Variants in PROSER1 observed in about 807,000 individuals in gnomAD.
The protein encoded by PROSER1 is proline and serine rich 1.
In PROSER1, 36 loss-of-function variants were observed where a neutral mutation model predicts 71.8. That is an observed-to-expected ratio of 0.50 (90% CI 0.38 to 0.66). The LOEUF (loss-of-function observed/expected upper bound fraction) is 0.66, where lower values mean the gene tolerates loss of function less well. Ranked by LOEUF, PROSER1 falls within the 30% of genes least tolerant of loss-of-function variation. The pLI is 0.00. For synonymous variants in PROSER1, 490 were observed against 452.4 expected, an observed-to-expected ratio of 1.08 and a Z score of -1.06; for missense variants, 1,107 against 1,135.0, an observed-to-expected ratio of 0.98 and a Z score of 0.35.
intron 9 of PROSER1, 174 bp from the exon 10 acceptor site, chr13:39,017,718 A>G (rs1593529968): frequency 1.9e-6 from 1 of 531,550 alleles, no homozygotes. Context: ...CTCTACTATT[A>G]TTACTACTAA....
Position 39,029,302 on chromosome 13 carries a change from A to G in PROSER1, c.254T>C (p.Val85Ala). ...TTACGAGGCTAACAGTTCAAGAGCA[A>G]CTAGTTTGTCTTTACTGAAAGTGAA... ...NCFTFSKDKL[V>A]ALELLASNII... Residue 85 changes from valine to alanine, a missense_variant, in exon 4 of 13, where the codon GTT becomes GCT. Transcript: ENST00000352251. 5.2e-6 allele frequency: 8 copies of G among 1,537,376 alleles called. No individual in the cohort carries two copies. Among genetic ancestry groups the G allele is most frequent in the African/African-American group, 1.4e-5 (1 of 70,350 alleles).
chr13:39,022,331 C>T lies in PROSER1; in HGVS notation c.725G>A (p.Gly242Glu). ...PPPPYTPNPV[G>E]TENEDLSNPS... ...ACCCCCAAATAACATTTTACCTGTT[C>T]CTACAGGATTAGGAGTATATGGAGG... The change falls in exon 9 of 13, where the codon GGA (glycine) becomes GAA (glutamate). Residue 242 changes from glycine (G) to glutamate (E), a missense_variant. Coordinates refer to ENST00000352251, the MANE Select transcript of PROSER1 (RefSeq NM_025138.5). 1 of 1,602,404 alleles carries T rather than the reference C, an allele frequency of 6.2e-7. No individual in the cohort carries two copies.
intron 9 of PROSER1, among the ~76,000 whole-genome samples, chr13:39,021,592 A>AT (rs900737521): frequency 2.6e-5 from 4 of 152,276 alleles, no homozygotes; most frequent in South Asian, 2.1e-4. Flanking sequence ...AACTAAAGGT[A>AT]TTTTTTTAAA....
At chr13:39,014,535 G>A in intron 10 of PROSER1, 59 bp from the exon 11 acceptor site, 1 of 1,247,134 alleles carries the variant, frequency 8.0e-7, no homozygotes, top group South Asian at 1.5e-5. Context: ...GTCAAATTTT[G>A]AATTAAAAAG....
chr13:39,014,023 G>T lies in PROSER1; in HGVS notation c.1229C>A (p.Thr410Asn). ...GCTGGTAGAAGCAGCAGAAGAGCTG[G>T]TGGAAAAGGGGAGGCTAGTGAAAGG... is the stretch of plus-strand genomic sequence containing the variant. ...SAPFTSLPFS[T>N]SSSAASTSNP... The change falls in exon 11 of 13, where the codon ACC (threonine) becomes AAC (asparagine). Residue 410 changes from threonine (T) to asparagine (N), a missense_variant. By Grantham distance (65) the Thr-to-Asn change is moderately conservative. Coordinates refer to ENST00000352251, the MANE Select transcript of PROSER1 (RefSeq NM_025138.5). The T allele has an allele frequency of 6.2e-7, 1 of 1,614,146 alleles. No individual in the cohort carries two copies. The highest frequency in any genetic ancestry group is 1.1e-5 in the South Asian group (1 of 91,074).
intron 8 of PROSER1, 192 bp downstream of exon 8, chr13:39,022,860 A>G (rs1300023742): frequency 4.2e-6 from 2 of 475,436 alleles, no homozygotes; most frequent in Non-Finnish European, 7.4e-6. Flanking sequence ...CATAAAGAAA[A>G]TATCCTAAAT....
At position 39,028,250 on chromosome 13, in the gene PROSER1, G is replaced by A. The variant is rs368631911; in HGVS notation, c.346C>T (p.Arg116Trp). 9.5e-6 allele frequency: 15 copies of A among 1,584,532 alleles called. No individual in the cohort carries two copies. The highest frequency in any genetic ancestry group is 4.0e-5 in the African/African-American group (3 of 74,216). The part of the protein sequence containing the change: ...LFRVNMSEKK[R>W]CKRILEQAFK... ...ACCTGTTCAAGTATTCTCTTGCACC[G>A]TTTCTTCTCAGACATATTTACCCTG... is the stretch of plus-strand genomic sequence containing the variant. The change falls in exon 5 of 13, where the codon CGG (arginine) becomes TGG (tryptophan). Residue 116 changes from arginine to tryptophan, a missense_variant. Arg to Trp is a moderately radical substitution (Grantham distance 101). Coordinates refer to ENST00000352251, the MANE Select transcript of PROSER1 (RefSeq NM_025138.5).
At chr13:39,024,681 TC>T (rs1870462724) in intron 6 of PROSER1, 125 bp from the exon 7 acceptor site, 1 of 686,790 alleles carries the variant, frequency 1.5e-6, no homozygotes, top group African/African-American at 1.8e-5. Context: ...AGACTTGCAT[TC>T]CCATTTCAGT....
At position 39,029,373 on chromosome 13, in the gene PROSER1, T is replaced by C. The variant is rs1292652407; in HGVS notation, c.183A>G (p.Lys61=). ...CTTCTGTTGGCTGGACAGCCACCAT[T>C]TTCTGTTGATATAAAAAATAATTTT... ...QLKAMKALQH[K]MVAVQPTEVV... is the part of the protein sequence containing the mutation. The change falls in exon 4 of 13, where the codon AAA becomes AAG. Residue 61 remains lysine (K), a splice_region_variant and synonymous_variant. Coordinates refer to ENST00000352251, the MANE Select transcript of PROSER1 (RefSeq NM_025138.5). 3 of 1,415,932 alleles carry C rather than the reference T, an allele frequency of 2.1e-6. No individual in the cohort carries two copies. The highest frequency in any genetic ancestry group is 1.5e-5 in the African/African-American group (1 of 67,480). 87.7% of individuals were successfully genotyped at this position (1,415,932 alleles called of 1,614,324 possible). A position where few individuals can be genotyped will look rare whatever the true frequency, so the allele number is the denominator to read the frequency against.
At chr13:39,023,513 A>C (rs2138118243) in intron 7 of PROSER1, 1 of 164,614 alleles carries the variant, frequency 6.1e-6, no homozygotes, top group Non-Finnish European at 1.3e-5. Flanking sequence ...TTACGCAAGA[A>C]CTCCCAATGG....
At position 39,028,280 on chromosome 13, in the gene PROSER1, A is replaced by C; in HGVS notation, c.316T>G (p.Leu106Val). ...TTCTCAGACATATTTACCCTGAATA[A>C]ATCTTCAATAGGACGAGAATTCTGT... ...DAQNSRPIED[L>V]FRVNMSEKKR... is the part of the protein sequence containing the mutation. Residue 106 changes from leucine to valine, a missense_variant, in exon 5 of 13, where the codon TTA becomes GTA. By Grantham distance (32) the Leu-to-Val change is conservative (BLOSUM62 1). Transcript: ENST00000352251. 6.3e-7 allele frequency: 1 copy of C among 1,599,858 alleles called. No individual in the cohort carries two copies. The highest frequency in any genetic ancestry group is 8.6e-7 in the Non-Finnish European group (1 of 1,167,768).
chr13:39,037,041 G>GT (rs1871147196), intron 1 of PROSER1, among the ~76,000 whole-genome samples, 157 bp downstream of exon 1: 1 of 152,124 alleles, frequency 6.6e-6, no homozygotes, highest in South Asian at 2.1e-4. Context: ...TACTGGAAAC[G>GT]TATCAAGATA....
In PROSER1 at chr13:39,034,324, C is replaced by G. The variant is rs150592024; in HGVS notation, c.46-128G>C. The G allele has an allele frequency of 7.2e-4, 435 of 606,068 alleles. 2 individuals carry two copies. Among genetic ancestry groups the G allele is most frequent in the African/African-American group, 5.7e-3 (296 of 51,794 alleles). The allele number at this position is 606,068 out of a possible 1,614,324, so 37.5% of individuals were successfully genotyped here. The stretch of plus-strand genomic sequence containing the variant: ...GCAGGTCTACTTCAGCCCTGTCATT[C>G]AGAGGAACTAAGGTCACTGTGGTGA... On this transcript the variant is annotated intron_variant, in intron 1 of 12. Transcript: ENST00000352251.
Position 39,012,086 on chromosome 13 carries a change from C to T in PROSER1, c.2709G>A (p.Gln903=), listed in dbSNP as rs1312708617. ...HNAAAQSALL[Q]QVHSASALES... The stretch of plus-strand genomic sequence containing the variant: ...TATGCCAGCCATTGCTGCTTACCTG[C>T]TGTAACAATGCTGACTGCGCAGCCG... The change falls in exon 12 of 13, where the codon CAG becomes CAA. Residue 903 remains glutamine, a synonymous_variant. Coordinates refer to ENST00000352251, the MANE Select transcript of PROSER1 (RefSeq NM_025138.5). 1.2e-6 allele frequency: 2 copies of T among 1,613,018 alleles called. No homozygotes were observed. Among genetic ancestry groups the T allele is most frequent in the African/African-American group, 1.3e-5 (1 of 74,986 alleles).
At chr13:39,018,080 CAGAA>C (rs1423006261) in intron 9 of PROSER1, 1 of 152,886 alleles carries the variant, frequency 6.5e-6, no homozygotes, top group Non-Finnish European at 1.5e-5. Context: ...TCCAAGCCAA[CAGAA>C]AGAAACTGTC....
intron 7 of PROSER1, 62 bp downstream of exon 7, chr13:39,024,411 A>G (rs1289224653): frequency 8.3e-7 from 1 of 1,204,846 alleles, no homozygotes; most frequent in African/African-American, 1.5e-5. Flanking sequence ...TTATGCTTTG[A>G]GTAAAAAGGA....
Position 39,027,349 on chromosome 13 carries a change from T to C in PROSER1, c.369+878A>G, listed in dbSNP as rs374364776. ...GAAATTTGGGGCCAAAAGGTATAAA[T>C]ATTGTAAAGGCTCTTCAAGTTTACC... On this transcript the variant is annotated intron_variant, in intron 5 of 12. Transcript: ENST00000352251. 1.4e-4 allele frequency among the ~76,000 whole-genome samples: 22 copies of C among 152,208 alleles called. No individual in the cohort carries two copies. In the East Asian group the frequency reaches 2.5e-3, roughly 17 times the overall value.
chr13:39,028,317 G>A lies in PROSER1; in HGVS notation c.279C>T (p.Asn93=). 1 of 1,569,086 alleles carries A rather than the reference G, an allele frequency of 6.4e-7. No individual in the cohort carries two copies. Residue 93 remains asparagine (N), a synonymous_variant, in exon 5 of 13, where the codon AAC becomes AAT. Transcript: ENST00000352251. Reference sequence around the variant, plus strand: ...GACGAGAATTCTGTGCATCAATAATGTTCCTACCAAGAAAACACAATTTAG... The same window carrying A: ...GACGAGAATTCTGTGCATCAATAATATTCCTACCAAGAAAACACAATTTAG... The part of the protein sequence containing the change: ...KLVALELLAS[N]IIDAQNSRPI...
chr13:39,011,420 G>A lies in PROSER1; in HGVS notation c.2780C>T (p.Ala927Val), dbSNP rs201222446. The A allele has an allele frequency of 1.6e-5, 26 of 1,613,998 alleles. No individual in the cohort carries two copies. Among genetic ancestry groups the A allele is most frequent in the South Asian group, 5.5e-5 (5 of 91,088 alleles). The part of the protein sequence containing the change: ...QPDGFPSYPS[A>V]PGTPFSLQPS... ...TTGCAAAGAAAATGGTGTTCCTGGC[G>A]CTGAAGGATAACTAGGAAACCCATC... Residue 927 changes from alanine to valine, a missense_variant, in exon 13 of 13, where the codon GCG becomes GTG. Ala to Val is a moderately conservative substitution (Grantham distance 64, BLOSUM62 0). Transcript: ENST00000352251.
Sources: gnomAD v4.1 joint callset for allele counts (sites outside exome capture counted in the v4.1 genomes callset) on GRCh38, gnomAD v4.1.1 for gene constraint, MANE v1.5 for transcripts, NCBI Gene and HGNC (gene_info 2026-07-23, HGNC 2026-07-21) for gene names.